Variants in ALDH7A1 observed in about 807,000 individuals in gnomAD.
ALDH7A1 encodes alpha-aminoadipic semialdehyde dehydrogenase.
Under a neutral mutation model 79.9 loss-of-function variants are expected in ALDH7A1, and 63 were observed. The ratio of observed to expected loss-of-function variants is 0.79; its 90% confidence interval spans 0.64 to 0.97. The LOEUF (loss-of-function observed/expected upper bound fraction) is 0.97. Ranked by LOEUF, ALDH7A1 falls within the 50% of genes least tolerant of loss-of-function variation. The pLI is 0.00. For synonymous variants in ALDH7A1, 240 were observed against 231.2 expected (o/e 1.04, Z -0.34); for missense variants, 627 against 665.2 (o/e 0.94, Z 0.63).
At chr5:126,578,874 A>C (rs1751075475) in intron 5 of ALDH7A1, among the ~76,000 whole-genome samples, 1 of 152,034 alleles carries the variant, frequency 6.6e-6, no homozygotes, top group Admixed American at 6.6e-5. Context: ...TTCTAGCCAC[A>C]CTCACACTGC....
At chr5:126,593,475 G>C (rs776403288) in intron 1 of ALDH7A1, 71 bp from the exon 2 acceptor site, 1 of 1,599,942 alleles carries the variant, frequency 6.3e-7, no homozygotes, top group Non-Finnish European at 8.6e-7. Context: ...TAGACCAAAC[G>C]GGGAAGAAAA....
intron 10 of ALDH7A1, among the ~76,000 whole-genome samples, chr5:126,559,635 G>C (rs113462039): frequency 6.6e-6 from 1 of 152,036 alleles, no homozygotes; most frequent in African/African-American, 2.4e-5. Flanking sequence ...GTGTCACCAT[G>C]TTGGTCAGGC....
At position 126,560,983 on chromosome 5, in the gene ALDH7A1, C is replaced by T. The variant is rs538294983; in HGVS notation, c.913+100G>A. 33 of 1,342,954 alleles carry T rather than the reference C, an allele frequency of 2.5e-5. No homozygotes were observed. The South Asian group carries it at 2.5e-4, about 10-fold the overall frequency. The allele number at this position is 1,342,954 out of a possible 1,614,324, so 83.2% of individuals were successfully genotyped here. A position where few individuals can be genotyped will look rare whatever the true frequency, so the allele number is the denominator to read the frequency against. ...ACAGGAACTAGGTCTCAGGCATATG[C>T]AACATGGACGAAATGAGATCCCAAA... is the stretch of plus-strand genomic sequence containing the variant. On this transcript the variant is annotated intron_variant, in intron 10 of 17. Coordinates refer to ENST00000409134, the MANE Select transcript of ALDH7A1 (RefSeq NM_001182.5).
At chr5:126,545,072 T>G in intron 17 of ALDH7A1, 53 bp from the exon 18 acceptor site, 2 of 1,325,712 alleles carry the variant, frequency 1.5e-6, no homozygotes, top group Non-Finnish European at 2.2e-6. Context: ...ACAGAAGATT[T>G]TCATGCCCAC....
chr5:126,564,497 C>T, intron 9 of ALDH7A1: 4 of 1,236,120 alleles, frequency 3.2e-6, no homozygotes, highest in African/African-American at 1.6e-5. Flanking sequence ...TCCTTAAGTG[C>T]ACTTTAAAAT....
intron 5 of ALDH7A1, among the ~76,000 whole-genome samples, chr5:126,582,385 C>T (rs1751207626): frequency 6.6e-6 from 1 of 152,202 alleles, no homozygotes; most frequent in African/African-American, 2.4e-5. Context: ...ACAACCTTCA[C>T]AAACATTATT....
intron 8 of ALDH7A1, chr5:126,569,404 T>TTATA (rs1203227633): frequency 1.3e-5 from 2 of 152,196 alleles, no homozygotes; most frequent in African/African-American, 4.8e-5. Flanking sequence ...CAGTTGCTTC[T>TTATA]AAGGAATGCA....
Position 126,592,716 on chromosome 5 carries a change from T to C in ALDH7A1, c.260A>G (p.Asp87Gly), listed in dbSNP as rs1244957350. 1 of 1,614,040 alleles carries C rather than the reference T, an allele frequency of 6.2e-7. No homozygotes were observed. Among genetic ancestry groups the C allele is most frequent in the South Asian group, 1.1e-5 (1 of 91,086 alleles). ...TGCTTTCTTTACAGTTTCTTCATAGTCTGCCACACTGGCCTAAATTAAGAA... is the reference window on the plus strand; with the variant it reads ...TGCTTTCTTTACAGTTTCTTCATAGCCTGCCACACTGGCCTAAATTAAGAA... The part of the protein sequence containing the change: ...IARVRQASVA[D>G]YEETVKKARE... The change falls in exon 3 of 18, where the codon GAC (aspartate) becomes GGC (glycine). Residue 87 changes from aspartate (D) to glycine (G), a missense_variant. Coordinates refer to ENST00000409134, the MANE Select transcript of ALDH7A1 (RefSeq NM_001182.5).
At chr5:126,581,277 T>A (rs1471646671) in intron 5 of ALDH7A1, 2 of 152,072 alleles carry the variant, frequency 1.3e-5, no homozygotes, top group Non-Finnish European at 2.9e-5. Flanking sequence ...TAAATTATAG[T>A]CTCTTTATAA....
chr5:126,550,329 T>C (rs374765003), intron 14 of ALDH7A1, 36 bp from the exon 15 acceptor site: 26 of 1,500,754 alleles, frequency 1.7e-5, no homozygotes, highest in South Asian at 1.0e-4. Context: ...TAAGATGTTA[T>C]AGTGTTCAAG....
chr5:126,544,676 C>T lies in ALDH7A1; in HGVS notation c.*289G>A. ...CTACCCTGGTACGTACTATTTTTTT[C>T]TAATTACAAAATAATCATTAACTTT... On this transcript the variant is annotated 3_prime_UTR_variant, in exon 18 of 18. Coordinates refer to ENST00000409134, the MANE Select transcript of ALDH7A1 (RefSeq NM_001182.5). 4.9e-6 allele frequency: 2 copies of T among 405,156 alleles called. No individual in the cohort carries two copies. Among genetic ancestry groups the T allele is most frequent in the Non-Finnish European group, 9.1e-6 (2 of 219,122 alleles). The allele number at this position is 405,156 out of a possible 1,614,324, so 25.1% of individuals were successfully genotyped here. A position where few individuals can be genotyped will look rare whatever the true frequency, so the allele number is the denominator to read the frequency against.
intron 3 of ALDH7A1, among the ~76,000 whole-genome samples, chr5:126,591,392 A>C (rs1052715949): frequency 3.9e-5 from 6 of 152,096 alleles, no homozygotes; most frequent in African/African-American, 1.2e-4. Flanking sequence ...GCTGATAAAA[A>C]AAAAAAGCTT....
At position 126,571,150 on chromosome 5, in the gene ALDH7A1, A is replaced by ATTTTTTT. The variant is rs386404930; in HGVS notation, c.696-298_696-292dup. 285 of 221,838 alleles carry ATTTTTTT rather than the reference A, an allele frequency of 1.3e-3. 5 individuals carry two copies. The highest frequency in any genetic ancestry group is 4.1e-3 in the African/African-American group (152 of 37,114). 13.7% of individuals were successfully genotyped at this position (221,838 alleles called of 1,614,324 possible). ...GCCGTTTTCAAAAAACTATTAGCAG[A>ATTTTTTT]TTTTTTTTTTTTTTTTTTTTTTTTT... is the stretch of plus-strand genomic sequence containing the variant. On this transcript the variant is annotated intron_variant, in intron 7 of 17. Coordinates refer to ENST00000409134, the MANE Select transcript of ALDH7A1 (RefSeq NM_001182.5).
chr5:126,545,393 G>A (rs1327917685), intron 17 of ALDH7A1, among the ~76,000 whole-genome samples: 1 of 151,854 alleles, frequency 6.6e-6, no homozygotes, highest in Admixed American at 6.6e-5. Flanking sequence ...TCCTGCCTCA[G>A]CCTCCTGATT....
intron 5 of ALDH7A1, 108 bp from the exon 6 acceptor site, chr5:126,577,319 A>C: frequency 1.4e-6 from 2 of 1,439,252 alleles, no homozygotes. Context: ...GATGCCTTAT[A>C]GTGGGAAATT....
intron 10 of ALDH7A1, 63 bp from the exon 11 acceptor site, chr5:126,559,397 T>C (rs1303376756): frequency 3.3e-6 from 4 of 1,212,362 alleles, no homozygotes; most frequent in South Asian, 1.2e-5. Flanking sequence ...ATTTGTTAGC[T>C]GGTATAAAAC....
intron 11 of ALDH7A1, 73 bp from the exon 12 acceptor site, chr5:126,556,088 G>A (rs777890704): frequency 6.3e-5 from 61 of 969,370 alleles, no homozygotes; most frequent in Non-Finnish European, 9.3e-5. Context: ...TAATTTCCTT[G>A]ATAGTTACTG....
chr5:126,592,479 C>T (rs1751584112), intron 3 of ALDH7A1, 185 bp downstream of exon 3: 2 of 614,796 alleles, frequency 3.3e-6, no homozygotes, highest in African/African-American at 1.8e-5. Flanking sequence ...AAAAAAGGCA[C>T]TACCCTAGAA....
chr5:126,579,183 C>CA (rs1554100599), intron 5 of ALDH7A1, among the ~76,000 whole-genome samples: 1 of 152,238 alleles, frequency 6.6e-6, no homozygotes, highest in Non-Finnish European at 1.5e-5. Context: ...TCTGCCCTAC[C>CA]ACTGCACCCT....
Sources: allele counts gnomAD v4.1 joint callset (sites outside exome capture counted in the v4.1 genomes callset), GRCh38; gene constraint gnomAD v4.1.1; transcripts MANE v1.5; gene names NCBI Gene and HGNC (gene_info 2026-07-23, HGNC 2026-07-21).